The following TBC1D31 variants were observed in gnomAD, a reference collection of about 807,000 sequenced individuals.
TBC1D31 encodes WD repeat domain 67.
TBC1D31 carries 99 observed loss-of-function variants against 132.9 expected under a neutral mutation model. The ratio of observed to expected loss-of-function variants is 0.74; its 90% CI spans 0.63 to 0.88. The LOEUF is 0.88. Among genes scored for constraint, TBC1D31 ranks in the 40% least tolerant of loss-of-function variants. The probability of loss-of-function intolerance (pLI) is 0.00; values close to 1 mark genes in which losing one functional copy is unlikely to be tolerated. For missense variants in TBC1D31, 1,134 were observed against 1,256.6 expected, an observed-to-expected ratio of 0.90 and a Z score of 1.48; for synonymous variants, 385 against 419.4, an observed-to-expected ratio of 0.92 and a Z score of 1.00.
chr8:123,117,752 CAAAAAAAAA>C (rs71310657), intron 10 of TBC1D31, among the ~76,000 whole-genome samples: 19 of 89,932 alleles, frequency 2.1e-4, no homozygotes, highest in Admixed American at 9.0e-4. Flanking sequence ...AACTCCGTCT[CAAAAAAAAA>C]AAAAAAAAAA....
At chr8:123,077,374 G>C (rs1814637567) in intron 2 of TBC1D31, 117 bp downstream of exon 2, 2 of 1,066,496 alleles carry the variant, frequency 1.9e-6, no homozygotes, top group Non-Finnish European at 2.6e-6. Flanking sequence ...TTATATTTCA[G>C]GTACCTTGCA....
Position 123,097,414 on chromosome 8 carries a change from T to C in TBC1D31, c.804T>C (p.Pro268=). 1 of 1,614,212 alleles carries C rather than the reference T, an allele frequency of 6.2e-7. No homozygotes were observed. The change falls in exon 6 of 22, where the codon CCT becomes CCC. Residue 268 remains proline, a synonymous_variant. Transcript: ENST00000287380. ...VRAIRHLEFL[P]DSFDAGSNQV... is the part of the protein sequence containing the mutation. ...CCATTCGCCATCTGGAATTTCTTCC[T>C]GATAGTTTTGATGCTGGTTCTAATC...
Position 123,128,615 on chromosome 8 carries a change from G to A in TBC1D31, c.2117+102G>A, listed in dbSNP as rs1820318965. On this transcript the variant is annotated intron_variant, in intron 14 of 21. Coordinates refer to ENST00000287380, the MANE Select transcript of TBC1D31 (RefSeq NM_145647.4). ...CATTTGGCTGAGCGCGGTGGCTCAC[G>A]CCTATAGTCCCAGCACTTTGGGAGG... 8.9e-6 allele frequency: 8 copies of A among 903,190 alleles called. No individual in the cohort carries two copies. In the Admixed American group the frequency reaches 1.0e-4, roughly 11 times the overall value. The allele number at this position is 903,190 out of a possible 1,614,324, so 55.9% of individuals were successfully genotyped here.
At chr8:123,139,475 T>C (rs1034772171) in intron 17 of TBC1D31, among the ~76,000 whole-genome samples, 5 of 152,316 alleles carry the variant, frequency 3.3e-5, no homozygotes, top group African/African-American at 1.2e-4. Context: ...CAGCAAATGA[T>C]TGAACAGAGA....
At chr8:123,157,738 C>CAG in the TBC1D31 span, among the ~76,000 whole-genome samples, 1 of 151,390 alleles carries the variant, frequency 6.6e-6, no homozygotes, top group Non-Finnish European at 1.5e-5. Context: ...CACACACACA[C>CAG]ACACCCGCTG....
intron 6 of TBC1D31, among the ~76,000 whole-genome samples, chr8:123,099,620 T>C (rs1189522232): frequency 2.0e-5 from 3 of 152,118 alleles, no homozygotes; most frequent in East Asian, 1.9e-4. Context: ...TGTGTGGGGG[T>C]AGCAGGGCTG....
downstream of TBC1D31, among the ~76,000 whole-genome samples, chr8:123,155,428 T>G (rs553884672): frequency 6.6e-6 from 1 of 152,192 alleles, no homozygotes; most frequent in Admixed American, 6.5e-5. The surrounding 1 kb of genome is among the most constrained non-coding windows in gnomAD (Gnocchi z 4.1). Context: ...AGACAACCAT[T>G]TACAGTAAAG....
rs764578068 is a variant in TBC1D31 at position 123,151,880 on chromosome 8, C to T, written c.3142C>T (p.Gln1048Ter). The T allele has an allele frequency of 3.8e-6, 6 of 1,592,426 alleles. No individual in the cohort carries two copies. The South Asian group carries it at 5.8e-5, about 15-fold the overall frequency. ...NLIKKVRNLR[Q>*]RLTARARHRC... Reference sequence around the variant, plus strand: ...TATTAAGAAAGTGAGAAATCTTCGCCAGAGACTCACTGCCCGGGCTCGTCA... The same window carrying T: ...TATTAAGAAAGTGAGAAATCTTCGCTAGAGACTCACTGCCCGGGCTCGTCA... The change falls in exon 22 of 22, where the codon CAG becomes TAG. Residue 1048 changes from glutamine to a stop codon, truncating the protein, a stop_gained. Transcript: ENST00000287380. LOFTEE classifies it low-confidence loss of function (END_TRUNC).
chr8:123,120,986 G>A (rs1189188895), intron 11 of TBC1D31, among the ~76,000 whole-genome samples: 1 of 144,954 alleles, frequency 6.9e-6, no homozygotes, highest in Non-Finnish European at 1.5e-5. Flanking sequence ...TTTTGAGACG[G>A]GAGTCTCACT....
At chr8:123,160,368 C>T in the TBC1D31 span, among the ~76,000 whole-genome samples, 1 of 150,436 alleles carries the variant, frequency 6.6e-6, no homozygotes, top group East Asian at 2.0e-4. Flanking sequence ...TAAATGTTGA[C>T]GTACCTTAAT....
chr8:123,127,937 C>G (rs1318394682), intron 13 of TBC1D31: 1 of 165,378 alleles, frequency 6.0e-6, no homozygotes, highest in Non-Finnish European at 1.3e-5. Context: ...TTTAAAGAAG[C>G]AAGCTAATTT....
rs1822043987 is a variant in TBC1D31, at chr8:123,144,902, CT to C, written c.2974+51del. ...CTCTCCATGATGTTACAGATTTATTCTTTTAGTAGGGTCTATTATTATGATT... is the reference window on the plus strand; with the variant it reads ...CTCTCCATGATGTTACAGATTTATTCTTTAGTAGGGTCTATTATTATGATT... On this transcript the variant is annotated intron_variant, in intron 20 of 21. Transcript: ENST00000287380. 2.6e-6 allele frequency: 4 copies of C among 1,514,000 alleles called. No homozygotes were observed. In the East Asian group the frequency reaches 9.1e-5, roughly 35 times the overall value. 93.8% of individuals were successfully genotyped at this position (1,514,000 alleles called of 1,614,324 possible). A position where few individuals can be genotyped will look rare whatever the true frequency, so the allele number is the denominator to read the frequency against.
chr8:123,160,455 GAGA>G, the TBC1D31 span, among the ~76,000 whole-genome samples: 1 of 152,008 alleles, frequency 6.6e-6, no homozygotes, highest in Non-Finnish European at 1.5e-5. Context: ...AGTTGGGGAG[GAGA>G]AGGAGAAAGA....
chr8:123,150,706 G>A (rs1822684360), intron 21 of TBC1D31, among the ~76,000 whole-genome samples: 1 of 152,188 alleles, frequency 6.6e-6, no homozygotes. Context: ...TTTTAGAAGG[G>A]ACAGGGTAGA....
chr8:123,111,077 T>G (rs2130562871), intron 10 of TBC1D31, among the ~76,000 whole-genome samples: 1 of 152,092 alleles, frequency 6.6e-6, no homozygotes, highest in East Asian at 1.9e-4. Flanking sequence ...GCTAGGGGCT[T>G]GATCTGAGTC....
intron 1 of TBC1D31, among the ~76,000 whole-genome samples, chr8:123,075,768 T>G (rs1814446866): frequency 6.6e-6 from 1 of 152,298 alleles, no homozygotes; most frequent in African/African-American, 2.4e-5. Context: ...TTTTCATGAT[T>G]AAAAACTATT....
At chr8:123,097,539 G>A in intron 6 of TBC1D31, 98 bp downstream of exon 6, 2 of 1,311,776 alleles carry the variant, frequency 1.5e-6, no homozygotes, top group Non-Finnish European at 2.1e-6. Context: ...CACCCTGGCT[G>A]TTACAATAAT....
At chr8:123,104,045 A>G (rs1817694998) in intron 7 of TBC1D31, 1 of 152,140 alleles carries the variant, frequency 6.6e-6, no homozygotes, top group Non-Finnish European at 1.5e-5. Context: ...ATGAATTCTT[A>G]AGTGTTGAAG....
chr8:123,105,234 C>A lies in TBC1D31; in HGVS notation c.1033-54C>A, dbSNP rs908494997. The A allele has an allele frequency of 2.3e-6, 3 of 1,281,450 alleles. No homozygotes were observed. The African/African-American group carries it at 4.6e-5, about 20-fold the overall frequency. The allele number at this position is 1,281,450 out of a possible 1,614,324, so 79.4% of individuals were successfully genotyped here. On this transcript the variant is annotated intron_variant, in intron 7 of 21. Transcript: ENST00000287380. ...ATTTTGAAAATCATACATTAACAGG[C>A]CTGTCTTCCAAGGATATCCATTAGA...
Sources: gnomAD v4.1 joint callset for allele counts (sites outside exome capture counted in the v4.1 genomes callset) on GRCh38, gnomAD v4.1.1 for gene constraint, Gnocchi (gnomAD v3.1) non-coding constraint, MANE v1.5 for transcripts, NCBI Gene and HGNC (gene_info 2026-07-23, HGNC 2026-07-21) for gene names.